The following NKAIN2 variants were observed in gnomAD, a reference collection of about 807,000 sequenced individuals.
The protein encoded by NKAIN2 is sodium/potassium-transporting ATPase subunit beta-1-interacting protein 2.
In NKAIN2, 14 loss-of-function variants were observed where a neutral mutation model predicts 32.6. The observed-to-expected ratio is 0.43, with a 90% CI of 0.28 to 0.67. The LOEUF (loss-of-function observed/expected upper bound fraction) is 0.67, where lower values mean the gene tolerates loss of function less well. Ranked by LOEUF, NKAIN2 falls within the 30% of genes least tolerant of loss-of-function variation. The pLI is 0.17. For synonymous variants in NKAIN2, 80 were observed against 87.2 expected, an observed-to-expected ratio of 0.92 and a Z score of 0.46; for missense variants, 198 against 258.3, an observed-to-expected ratio of 0.77 and a Z score of 1.60.
chr6:124,405,595 G>T (rs1375543492), intron 3 of NKAIN2, among the ~76,000 whole-genome samples: 1 of 150,410 alleles, frequency 6.6e-6, no homozygotes, highest in South Asian at 2.1e-4. Context: ...GCCCAGGCAG[G>T]TCTCAAACTC....
chr6:124,365,984 A>C lies in NKAIN2; in HGVS notation c.273+10637A>C, dbSNP rs180846729. Among the ~76,000 whole-genome samples the C allele has an allele frequency of 2.2e-3, 328 of 152,180 alleles. 2 individuals are homozygous for C. The highest frequency in any genetic ancestry group is 7.7e-3 in the African/African-American group (322 of 41,568). ...AAACTTGGTGGTGTGAAATTGCAGA[A>C]ATGCTTAGAGGAAAAAATGACCTTA... On this transcript the variant is annotated intron_variant, in intron 3 of 6. Coordinates refer to ENST00000368417, the MANE Select transcript of NKAIN2 (RefSeq NM_001040214.3).
intron 3 of NKAIN2, among the ~76,000 whole-genome samples, chr6:124,398,494 C>G (rs1384625600): frequency 6.6e-6 from 1 of 151,914 alleles, no homozygotes; most frequent in Admixed American, 6.6e-5. Context: ...GGAAAATAGG[C>G]TAGAATTAGT....
intron 5 of NKAIN2, among the ~76,000 whole-genome samples, chr6:124,799,552 T>G (rs2114827548): frequency 6.6e-6 from 1 of 152,340 alleles, no homozygotes; most frequent in East Asian, 1.9e-4. Context: ...GCTGATTCAT[T>G]CTCTCTCCTC....
At chr6:124,119,998 G>T (rs576088493) in intron 1 of NKAIN2, among the ~76,000 whole-genome samples, 1 of 152,100 alleles carries the variant, frequency 6.6e-6, no homozygotes, top group Non-Finnish European at 1.5e-5. Context: ...CGTAAAGTCA[G>T]GGGGTTATTA....
chr6:124,216,342 A>G (rs192263535), intron 1 of NKAIN2, among the ~76,000 whole-genome samples: 4 of 152,300 alleles, frequency 2.6e-5, no homozygotes, highest in Non-Finnish European at 5.9e-5. Context: ...CTAATTGTGT[A>G]TTTGTAAATT....
At chr6:124,775,783 T>G (rs890064295) in intron 4 of NKAIN2, among the ~76,000 whole-genome samples, 1 of 152,214 alleles carries the variant, frequency 6.6e-6, no homozygotes, top group Non-Finnish European at 1.5e-5. Flanking sequence ...TCAGGGTTAC[T>G]GCACTGGACA....
At chr6:124,469,026 G>A (rs1311460316) in intron 3 of NKAIN2, among the ~76,000 whole-genome samples, 1 of 152,132 alleles carries the variant, frequency 6.6e-6, no homozygotes, top group African/African-American at 2.4e-5. Flanking sequence ...GCCCTTTGGG[G>A]ACACCCACAC....
chr6:124,094,630 TA>T (rs1784575339), intron 1 of NKAIN2, among the ~76,000 whole-genome samples: 1 of 152,156 alleles, frequency 6.6e-6, no homozygotes, highest in Admixed American at 6.5e-5. Flanking sequence ...CTCACATAGT[TA>T]AATGCCTTAT....
At chr6:123,835,379 A>G (rs1302910299) in intron 1 of NKAIN2, among the ~76,000 whole-genome samples, 1 of 152,178 alleles carries the variant, frequency 6.6e-6, no homozygotes, top group East Asian at 1.9e-4. Flanking sequence ...CATAGTTGTC[A>G]TTTTTTAAAA....
chr6:124,210,035 TA>T (rs1791089793), intron 1 of NKAIN2, among the ~76,000 whole-genome samples: 1 of 151,778 alleles, frequency 6.6e-6, no homozygotes, highest in African/African-American at 2.4e-5. Context: ...ACTTACATTC[TA>T]AAGTGTTTCC....
chr6:124,433,325 C>T (rs1002450722), intron 3 of NKAIN2, among the ~76,000 whole-genome samples: 1 of 152,136 alleles, frequency 6.6e-6, no homozygotes, highest in African/African-American at 2.4e-5. Context: ...GTCTTTCAAA[C>T]GGGGGAGAAT....
intron 3 of NKAIN2, among the ~76,000 whole-genome samples, chr6:124,444,707 A>C (rs924226496): frequency 3.3e-5 from 5 of 152,176 alleles, no homozygotes; most frequent in African/African-American, 9.6e-5. Flanking sequence ...ATATAAGAAC[A>C]TGAATTTCTA....
chr6:124,713,063 T>G (rs1285135144), intron 4 of NKAIN2, among the ~76,000 whole-genome samples: 1 of 152,056 alleles, frequency 6.6e-6, no homozygotes, highest in Non-Finnish European at 1.5e-5. Context: ...AGAGTAAACA[T>G]TTAAAATAAT....
At chr6:123,888,174 ATGT>A (rs1773820162) in intron 1 of NKAIN2, among the ~76,000 whole-genome samples, 1 of 152,108 alleles carries the variant, frequency 6.6e-6, no homozygotes, top group South Asian at 2.1e-4. Flanking sequence ...TATGTATAGA[ATGT>A]TGTTTTTAAT....
At chr6:124,363,882 T>A (rs1268918852) in intron 3 of NKAIN2, among the ~76,000 whole-genome samples, 9 of 152,084 alleles carry the variant, frequency 5.9e-5, no homozygotes, top group Admixed American at 5.9e-4. Flanking sequence ...AAAGAAAGAA[T>A]GTAATGATTG....
At chr6:124,076,917 G>C (rs570167845) in intron 1 of NKAIN2, among the ~76,000 whole-genome samples, 4 of 152,138 alleles carry the variant, frequency 2.6e-5, no homozygotes, top group African/African-American at 9.7e-5. Flanking sequence ...TATAAACACT[G>C]TCTCAGTTTG....
chr6:123,844,758 T>G (rs1218770120), intron 1 of NKAIN2, among the ~76,000 whole-genome samples: 1 of 152,242 alleles, frequency 6.6e-6, no homozygotes, highest in Non-Finnish European at 1.5e-5. Context: ...CTAACAGATG[T>G]GACAATTCCT....
At chr6:124,255,535 C>T (rs541990414) in intron 1 of NKAIN2, among the ~76,000 whole-genome samples, 74 of 152,188 alleles carry the variant, frequency 4.9e-4, no homozygotes, top group African/African-American at 1.8e-3. Flanking sequence ...ATCTATTTCG[C>T]GGAGGATGCC....
At chr6:124,461,176 T>A (rs1583287036) in intron 3 of NKAIN2, among the ~76,000 whole-genome samples, 1 of 151,902 alleles carries the variant, frequency 6.6e-6, no homozygotes, top group Non-Finnish European at 1.5e-5. Flanking sequence ...AGCAAAACTC[T>A]TTTAATTCCT....
Sources: gnomAD v4.1 joint callset for allele counts (sites outside exome capture counted in the v4.1 genomes callset) on GRCh38, gnomAD v4.1.1 for gene constraint, MANE v1.5 for transcripts, NCBI Gene and HGNC (gene_info 2026-07-23, HGNC 2026-07-21) for gene names.